ST6GALNAC5: variants seen among roughly 807,000 people sequenced by gnomAD.
The protein encoded by ST6GALNAC5 is alpha-N-acetylgalactosaminide alpha-2,6-sialyltransferase 5.
ST6GALNAC5 carries 27 observed loss-of-function variants against 33.6 expected under a neutral mutation model. The ratio of observed to expected loss-of-function variants is 0.80; its 90% CI spans 0.59 to 1.11. The LOEUF is 1.11. Among genes scored for constraint, ST6GALNAC5 ranks in the 50% least tolerant of loss-of-function variants. The pLI, the probability that ST6GALNAC5 is intolerant of heterozygous loss-of-function variation, is 0.00. For synonymous variants in ST6GALNAC5, 194 were observed against 171.2 expected (o/e 1.13, Z -1.04); for missense variants, 428 against 454.0 (o/e 0.94, Z 0.52).
intron 2 of ST6GALNAC5, among the ~76,000 whole-genome samples, chr1:76,984,845 G>T (rs1649414062): frequency 6.6e-6 from 1 of 152,184 alleles, no homozygotes; most frequent in Non-Finnish European, 1.5e-5. Flanking sequence ...TCCCTAGCAT[G>T]CAAGGCTGTT....
chr1:76,869,700 C>T (rs960468628), intron 2 of ST6GALNAC5, among the ~76,000 whole-genome samples: 3 of 152,076 alleles, frequency 2.0e-5, no homozygotes, highest in African/African-American at 7.2e-5. Context: ...TCTAACCATG[C>T]GTGAAAAAGC....
chr1:77,021,347 A>G (rs994712745), intron 2 of ST6GALNAC5, among the ~76,000 whole-genome samples: 2 of 152,192 alleles, frequency 1.3e-5, no homozygotes, highest in Non-Finnish European at 2.9e-5. Flanking sequence ...TGTTTCCAAG[A>G]TGAAGTTCTC....
In ST6GALNAC5 at chr1:76,990,368, T is replaced by C. The variant is rs190757472; in HGVS notation, c.262-53836T>C. The stretch of plus-strand genomic sequence containing the variant: ...TTATGGAACTTTTCCACTACAGAAT[T>C]GATGGTTCTGAGCATGAACTCAAAC... On this transcript the variant is annotated intron_variant, in intron 2 of 4. Coordinates refer to ENST00000477717, the MANE Select transcript of ST6GALNAC5 (RefSeq NM_030965.3). Among the ~76,000 whole-genome samples the C allele has an allele frequency of 3.9e-5, 6 of 152,340 alleles. No individual in the cohort carries two copies. The East Asian group carries it at 1.2e-3, about 29-fold the overall frequency.
At chr1:76,953,787 T>C (rs1368888358) in intron 2 of ST6GALNAC5, among the ~76,000 whole-genome samples, 1 of 152,156 alleles carries the variant, frequency 6.6e-6, no homozygotes, top group African/African-American at 2.4e-5. Flanking sequence ...ATTTTATATT[T>C]TCATTTAAAT....
At chr1:76,985,326 C>T (rs1649445064) in intron 2 of ST6GALNAC5, among the ~76,000 whole-genome samples, 1 of 152,162 alleles carries the variant, frequency 6.6e-6, no homozygotes, top group Admixed American at 6.5e-5. Context: ...TCTCAGGATA[C>T]AAAATCAAGT....
At chr1:76,915,280 T>C (rs1362437434) in intron 2 of ST6GALNAC5, among the ~76,000 whole-genome samples, 1 of 151,780 alleles carries the variant, frequency 6.6e-6, no homozygotes, top group Non-Finnish European at 1.5e-5. Flanking sequence ...TGGAAGTCAG[T>C]GTGGCGATTC....
chr1:76,970,403 A>G (rs1214729201), intron 2 of ST6GALNAC5, among the ~76,000 whole-genome samples: 1 of 151,896 alleles, frequency 6.6e-6, no homozygotes, highest in Admixed American at 6.6e-5. Context: ...GAACTACATG[A>G]CTCATGCACA....
intron 2 of ST6GALNAC5, among the ~76,000 whole-genome samples, chr1:76,990,869 A>G (rs1649695294): frequency 6.6e-6 from 1 of 152,286 alleles, no homozygotes; most frequent in South Asian, 2.1e-4. Context: ...TTGGGGATTT[A>G]TTAATGGCAG....
At chr1:76,873,689 G>C (rs74092203) in intron 2 of ST6GALNAC5, among the ~76,000 whole-genome samples, 1 of 152,180 alleles carries the variant, frequency 6.6e-6, no homozygotes, top group Admixed American at 6.5e-5. Context: ...TAAGAGGAAA[G>C]ACAAAAGAAT....
intron 2 of ST6GALNAC5, among the ~76,000 whole-genome samples, chr1:76,939,540 C>A (rs1647277302): frequency 6.6e-6 from 1 of 151,976 alleles, no homozygotes; most frequent in Non-Finnish European, 1.5e-5. Flanking sequence ...GGCCCATGGT[C>A]CACAAAATGT....
rs571789608 is a variant in ST6GALNAC5 at position 76,881,732 on chromosome 1, C to T, written c.261+12990C>T. On this transcript the variant is annotated intron_variant, in intron 2 of 4. Transcript: ENST00000477717. The stretch of plus-strand genomic sequence containing the variant: ...AAGAGTTTCTAACCATTTGGAGTTA[C>T]TGAAAAGGAATAGCTGCAAGTCATA... 3.8e-4 allele frequency among the ~76,000 whole-genome samples: 58 copies of T among 152,292 alleles called. No individual in the cohort carries two copies. The South Asian group carries it at 4.8e-3, about 13-fold the overall frequency.
chr1:77,053,877 G>A (rs1652307819), intron 4 of ST6GALNAC5, among the ~76,000 whole-genome samples: 1 of 152,162 alleles, frequency 6.6e-6, no homozygotes, highest in South Asian at 2.1e-4. Flanking sequence ...GCTGCTCAAA[G>A]TGTGCCTGGC....
At position 76,996,430 on chromosome 1, in the gene ST6GALNAC5, A is replaced by G. The variant is rs560139774; in HGVS notation, c.262-47774A>G. Among the ~76,000 whole-genome samples, 21 of 152,316 alleles carry G rather than the reference A, an allele frequency of 1.4e-4. No homozygotes were observed. In the East Asian group the frequency reaches 3.7e-3, roughly 27 times the overall value. On this transcript the variant is annotated intron_variant, in intron 2 of 4. Transcript: ENST00000477717. ...TTTCTTGCCATCAAAACAACTCACA[A>G]TCTAATGCAGCATAGTGTTAAACAT...
intron 2 of ST6GALNAC5, among the ~76,000 whole-genome samples, chr1:76,869,809 C>T (rs1653456462): frequency 6.6e-6 from 1 of 152,194 alleles, no homozygotes; most frequent in Admixed American, 6.5e-5. Context: ...AGGCAGGACC[C>T]AGTCTTACGG....
intron 2 of ST6GALNAC5, among the ~76,000 whole-genome samples, chr1:76,924,672 A>G (rs967907481): frequency 2.6e-5 from 4 of 152,076 alleles, no homozygotes; most frequent in African/African-American, 9.7e-5. Flanking sequence ...TTGGTGTACA[A>G]TGACTGGAGC....
At chr1:76,979,507 C>A (rs1356660421) in intron 2 of ST6GALNAC5, among the ~76,000 whole-genome samples, 1 of 152,040 alleles carries the variant, frequency 6.6e-6, no homozygotes, top group Non-Finnish European at 1.5e-5. Flanking sequence ...CACAAAGATG[C>A]CAATAACATA....
intron 2 of ST6GALNAC5, among the ~76,000 whole-genome samples, chr1:76,916,004 T>A (rs1310235234): frequency 6.6e-6 from 1 of 150,558 alleles, no homozygotes; most frequent in Non-Finnish European, 1.5e-5. Flanking sequence ...GATCTGGCCA[T>A]CTGCATTTTA....
At chr1:76,932,866 G>A (rs1473894851) in intron 2 of ST6GALNAC5, among the ~76,000 whole-genome samples, 2 of 152,052 alleles carry the variant, frequency 1.3e-5, no homozygotes, top group African/African-American at 4.8e-5. Flanking sequence ...TCCATATGTA[G>A]GAGATACTCT....
chr1:76,916,006 T>A (rs561930458), intron 2 of ST6GALNAC5, among the ~76,000 whole-genome samples: 56 of 150,258 alleles, frequency 3.7e-4, no homozygotes, highest in Non-Finnish European at 7.0e-4. Flanking sequence ...TCTGGCCATC[T>A]GCATTTTAAA....
Sources: gnomAD v4.1 joint callset for allele counts (sites outside exome capture counted in the v4.1 genomes callset) on GRCh38, gnomAD v4.1.1 for gene constraint, MANE v1.5 for transcripts, NCBI Gene and HGNC (gene_info 2026-07-23, HGNC 2026-07-21) for gene names.